Variants in FHAD1 observed in about 807,000 individuals in gnomAD.
FHAD1 encodes forkhead-associated domain-containing protein 1.
FHAD1 carries 146 observed loss-of-function variants against 191.3 expected under a neutral mutation model. The ratio of observed to expected loss-of-function variants is 0.76; its 90% CI spans 0.67 to 0.88. FHAD1 has a LOEUF of 0.88. Among genes scored for constraint, FHAD1 ranks in the 40% least tolerant of loss-of-function variants. FHAD1 has a pLI of 0.00. For synonymous variants in FHAD1, 616 were observed against 672.3 expected (o/e 0.92, Z 1.29); for missense variants, 1,635 against 1,785.8 (o/e 0.92, Z 1.52).
In FHAD1 at chr1:15,391,214, G is replaced by A. The variant is rs893708655; in HGVS notation, c.4274G>A (p.Arg1425Gln). 2 of 1,285,190 alleles carry A rather than the reference G, an allele frequency of 1.6e-6. No individual in the cohort carries two copies. The highest frequency in any genetic ancestry group is 2.0e-6 in the Non-Finnish European group (2 of 985,894). The allele number at this position is 1,285,190 out of a possible 1,614,324, so 79.6% of individuals were successfully genotyped here. A position where few individuals can be genotyped will look rare whatever the true frequency, so the allele number is the denominator to read the frequency against. Residue 1425 changes from arginine (R) to glutamine (Q), a missense_variant, in exon 33 of 34, where the codon CGA becomes CAA. Transcript: ENST00000688493. ...CTTATTCTTTCTGTATTGAAGAGACGAGTATTTGTAGAGATGGTGAAGAAC... is the reference window on the plus strand; with the variant it reads ...CTTATTCTTTCTGTATTGAAGAGACAAGTATTTGTAGAGATGGTGAAGAAC... Reference protein sequence around the residue: ...CAFKEKDRQRRVFVEMVKNRM... With the variant: ...CAFKEKDRQRQVFVEMVKNRM...
chr1:15,242,601 C>G (rs1645517543), upstream of FHAD1, among the ~76,000 whole-genome samples: 1 of 152,174 alleles, frequency 6.6e-6, no homozygotes, highest in Non-Finnish European at 1.5e-5. Context: ...AGAATCACCT[C>G]TAGTTGTGAC....
chr1:15,374,859 TGTTTG>T (rs1558266662), intron 27 of FHAD1, among the ~76,000 whole-genome samples: 5 of 129,360 alleles, frequency 3.9e-5, no homozygotes, highest in Non-Finnish European at 3.3e-5. Flanking sequence ...TTTTTTTTTT[TGTTTG>T]TTTTTTTTTT....
chr1:15,266,337 G>A (rs1476028189), intron 2 of FHAD1, among the ~76,000 whole-genome samples: 1 of 151,762 alleles, frequency 6.6e-6, no homozygotes, highest in Non-Finnish European at 1.5e-5. Flanking sequence ...TTGAACTCCT[G>A]GGTTCAAGCC....
chr1:15,376,092 T>A lies in FHAD1; in HGVS notation c.3705+362T>A, dbSNP rs949908731. On this transcript the variant is annotated intron_variant, in intron 28 of 33. Transcript: ENST00000688493. ...TTATTTATTTATTTTTTTATTTATTTTTTTATTTATTTTTTGAGACAGAGT... is the reference window on the plus strand; with the variant it reads ...TTATTTATTTATTTTTTTATTTATTATTTTATTTATTTTTTGAGACAGAGT... Among the ~76,000 whole-genome samples the A allele has an allele frequency of 2.7e-4, 35 of 129,888 alleles. No homozygotes were observed. The East Asian group carries it at 5.0e-3, about 19-fold the overall frequency. 85.2% of individuals were successfully genotyped at this position (129,888 alleles called of 152,430 possible).
chr1:15,324,468 A>G lies in FHAD1; in HGVS notation c.1382A>G (p.Gln461Arg), dbSNP rs1178246307. The G allele has an allele frequency of 9.7e-6, 15 of 1,551,140 alleles. No individual in the cohort carries two copies. The Admixed American group carries it at 2.7e-4, about 28-fold the overall frequency. The change falls in exon 11 of 34, where the codon CAG becomes CGG. Residue 461 changes from glutamine to arginine, a missense_variant. Gln to Arg is a conservative substitution (Grantham distance 43, BLOSUM62 1). Transcript: ENST00000688493. The stretch of plus-strand genomic sequence containing the variant: ...TCATTTCAGGTTGAAGAGAAGCTTC[A>G]GGAGGATTCCAGAAGGAAATTGCTT... ...REKSKVEEKL[Q>R]EDSRRKLLQL...
At chr1:15,306,649 C>T (rs961013125) in intron 6 of FHAD1, among the ~76,000 whole-genome samples, 8 of 152,222 alleles carry the variant, frequency 5.3e-5, no homozygotes, top group African/African-American at 1.9e-4. Flanking sequence ...AAGGGGCCAA[C>T]ATAGAGCTTG....
intron 2 of FHAD1, among the ~76,000 whole-genome samples, chr1:15,252,748 C>A (rs944884918): frequency 6.6e-6 from 1 of 152,252 alleles, no homozygotes; most frequent in Non-Finnish European, 1.5e-5. Flanking sequence ...GGCCACGGAG[C>A]TCCAAGCCCC....
intron 7 of FHAD1, among the ~76,000 whole-genome samples, chr1:15,309,710 G>A (rs1423906244): frequency 1.3e-5 from 2 of 151,244 alleles, no homozygotes; most frequent in Admixed American, 6.6e-5. Flanking sequence ...TATTATTAGC[G>A]TGAGTGTATT....
intron 32 of FHAD1, among the ~76,000 whole-genome samples, chr1:15,389,232 A>G (rs1703150514): frequency 1.3e-5 from 2 of 151,932 alleles, no homozygotes; most frequent in African/African-American, 4.8e-5. Flanking sequence ...GATGGCTTCA[A>G]CCCAGGAGTT....
intron 14 of FHAD1, among the ~76,000 whole-genome samples, chr1:15,331,147 A>G (rs1425503711): frequency 1.3e-5 from 2 of 152,100 alleles, no homozygotes; most frequent in African/African-American, 4.8e-5. Flanking sequence ...AGAGCAAGGA[A>G]TGCAGGATGA....
At chr1:15,308,929 A>G (rs1558067818) in intron 7 of FHAD1, among the ~76,000 whole-genome samples, 193 bp downstream of exon 7, 1 of 152,222 alleles carries the variant, frequency 6.6e-6, no homozygotes, top group East Asian at 1.9e-4. Context: ...TGTGCCATCC[A>G]GTTCCTAGCA....
chr1:15,314,372 C>T (rs544368633), intron 8 of FHAD1: 2 of 152,166 alleles, frequency 1.3e-5, no homozygotes, highest in Non-Finnish European at 2.9e-5. Flanking sequence ...GCCCCGGGGG[C>T]ACACAGACCA....
intron 31 of FHAD1, chr1:15,383,107 G>A (rs1701297420): frequency 4.2e-6 from 2 of 471,670 alleles, no homozygotes; most frequent in South Asian, 1.5e-5. Flanking sequence ...TTAACTGTGC[G>A]ACCTTGTGCA....
At chr1:15,387,079 G>A (rs989882685) in intron 31 of FHAD1, among the ~76,000 whole-genome samples, 1 of 151,906 alleles carries the variant, frequency 6.6e-6, no homozygotes, top group Non-Finnish European at 1.5e-5. Context: ...TTTTAGTAGA[G>A]AGTTTTACCA....
At chr1:15,398,917 T>C (rs540812100), downstream of FHAD1, among the ~76,000 whole-genome samples, 1 of 151,712 alleles carries the variant, frequency 6.6e-6, no homozygotes, top group Non-Finnish European at 1.5e-5. Flanking sequence ...GCCTCCCAGG[T>C]TCAAGCCATT....
chr1:15,364,490 G>A (rs899439618), intron 23 of FHAD1, among the ~76,000 whole-genome samples: 1 of 152,094 alleles, frequency 6.6e-6, no homozygotes, highest in African/African-American at 2.4e-5. Flanking sequence ...GATGCCTGTA[G>A]TCCCAGCTAC....
In FHAD1 at chr1:15,345,202, A is replaced by G. The variant is rs569626287; in HGVS notation, c.2238+12A>G. On this transcript the variant is annotated intron_variant, in intron 17 of 33. Coordinates refer to ENST00000688493, the MANE Select transcript of FHAD1 (RefSeq NM_001391957.1). Reference sequence around the variant, plus strand: ...CCCAGCAGAAGAAGGTATGTGGCTCAGGGAGACAGAGTCAGCTCGAGCCCC... The same window carrying G: ...CCCAGCAGAAGAAGGTATGTGGCTCGGGGAGACAGAGTCAGCTCGAGCCCC... 552 of 1,543,338 alleles carry G rather than the reference A, an allele frequency of 3.6e-4. 3 individuals carry two copies. In the African/African-American group the frequency reaches 6.9e-3, roughly 19 times the overall value.
In FHAD1 at chr1:15,325,656, C is replaced by T. The variant is rs888451729; in HGVS notation, c.1473+1097C>T. On this transcript the variant is annotated intron_variant, in intron 11 of 33. Transcript: ENST00000688493. The surrounding 1 kb of genome is among the most constrained non-coding windows in gnomAD (Gnocchi z 4.6). ...ACATTGGCTACCCCCAATCTTCCCC[C>T]TAACACATACCTGATTTGAGGGTCT... 2.0e-5 allele frequency: 3 copies of T among 152,736 alleles called. No homozygotes were observed. The highest frequency in any genetic ancestry group is 2.1e-4 in the South Asian group (1 of 4,836). The allele number at this position is 152,736 out of a possible 1,614,324, so 9.5% of individuals were successfully genotyped here. A position where few individuals can be genotyped will look rare whatever the true frequency, so the allele number is the denominator to read the frequency against.
At chr1:15,279,554 C>CAAA (rs57662759) in intron 3 of FHAD1, among the ~76,000 whole-genome samples, 3,126 of 96,678 alleles carry the variant, frequency 0.032, 113 homozygotes, top group Non-Finnish European at 0.039. Context: ...CCTTAAAACT[C>CAAA]AAAAAAAAAA....
Sources: gnomAD v4.1 joint callset for allele counts (sites outside exome capture counted in the v4.1 genomes callset) on GRCh38, gnomAD v4.1.1 for gene constraint, Gnocchi (gnomAD v3.1) non-coding constraint, MANE v1.5 for transcripts, NCBI Gene and HGNC (gene_info 2026-07-23, HGNC 2026-07-21) for gene names.